The following CUBN variants were observed in gnomAD, a reference collection of about 807,000 sequenced individuals.
The protein encoded by CUBN is 460 kDa receptor.
Under a neutral mutation model 405.3 loss-of-function variants are expected in CUBN, and 282 were observed. The observed-to-expected ratio is 0.70, with a 90% confidence interval of 0.63 to 0.77. CUBN has a LOEUF of 0.77. CUBN is among the 30% of genes least tolerant of loss of function. The pLI, the probability that CUBN is intolerant of heterozygous loss-of-function variation, is 0.00. For synonymous variants in CUBN, 1,684 were observed against 1,617.0 expected (o/e 1.04, Z -0.99); for missense variants, 4,514 against 4,475.2 (o/e 1.01, Z -0.25).
At chr10:17,012,980 T>C (rs918524949) in intron 28 of CUBN, among the ~76,000 whole-genome samples, 2 of 152,198 alleles carry the variant, frequency 1.3e-5, no homozygotes, top group African/African-American at 4.8e-5. Flanking sequence ...GGATGTTTGA[T>C]AGGAATGCTA....
chr10:17,116,894 A>G (rs1005978999), intron 6 of CUBN, among the ~76,000 whole-genome samples: 2 of 152,172 alleles, frequency 1.3e-5, no homozygotes, highest in South Asian at 4.1e-4. Flanking sequence ...CTTAGCAAAT[A>G]AAAATACAGC....
intron 31 of CUBN, among the ~76,000 whole-genome samples, chr10:16,964,141 G>A (rs1024050128): frequency 7.2e-5 from 11 of 151,906 alleles, no homozygotes; most frequent in Non-Finnish European, 1.3e-4. Context: ...TTATATAGTC[G>A]GTATTTCTCT....
chr10:16,925,844 T>C, intron 41 of CUBN, 70 bp from the exon 42 acceptor site: 1 of 1,415,340 alleles, frequency 7.1e-7, no homozygotes, highest in Non-Finnish European at 1.0e-6. Context: ...CTTTCTTAGT[T>C]TTCTTGGGGG....
Position 16,851,823 on chromosome 10 carries a change from C to T in CUBN, c.9455-380G>A, listed in dbSNP as rs377201268. On this transcript the variant is annotated intron_variant, in intron 59 of 66. Coordinates refer to ENST00000377833, the MANE Select transcript of CUBN (RefSeq NM_001081.4). ...CTTTCCCTCCCTCCCTCTATATTTC[C>T]CTCCCTCACTCTGTCTTTCCCTCCC... Among the ~76,000 whole-genome samples the T allele has an allele frequency of 8.0e-5, 11 of 137,758 alleles. No individual in the cohort carries two copies. In the East Asian group the frequency reaches 2.4e-3, roughly 30 times the overall value. 90.4% of individuals were successfully genotyped at this position (137,758 alleles called of 152,430 possible). A position where few individuals can be genotyped will look rare whatever the true frequency, so the allele number is the denominator to read the frequency against.
At chr10:16,899,469 A>G (rs1841293560) in intron 53 of CUBN, among the ~76,000 whole-genome samples, 1 of 152,214 alleles carries the variant, frequency 6.6e-6, no homozygotes, top group African/African-American at 2.4e-5. Context: ...GTCTCCAAAC[A>G]AGAGCTGTAT....
At chr10:17,122,971 C>T (rs1024931012) in intron 5 of CUBN, 73 bp from the exon 6 acceptor site, 9 of 1,012,044 alleles carry the variant, frequency 8.9e-6, no homozygotes, top group Admixed American at 8.6e-5. Flanking sequence ...TCACATGATA[C>T]GTTTAAGGAT....
chr10:16,860,679 T>C (rs1475738162), intron 59 of CUBN, among the ~76,000 whole-genome samples: 2 of 152,232 alleles, frequency 1.3e-5, no homozygotes, highest in Non-Finnish European at 2.9e-5. Flanking sequence ...CACAAGACAT[T>C]GTCCAGAAAC....
intron 34 of CUBN, among the ~76,000 whole-genome samples, 183 bp downstream of exon 34, chr10:16,949,818 C>T (rs1383042896): frequency 6.6e-6 from 1 of 152,156 alleles, no homozygotes; most frequent in Non-Finnish European, 1.5e-5. Context: ...AATAAACAGG[C>T]TGAGTTCCCT....
intron 59 of CUBN, among the ~76,000 whole-genome samples, chr10:16,855,038 ATCTCTCTTCCCCTCCCCTCCCCTCC>A (rs1839831148): frequency 1.3e-5 from 1 of 79,314 alleles, no homozygotes; most frequent in African/African-American, 5.2e-5. Flanking sequence ...CTTTCTCTCT[ATCTCTCTTCCCCTCCCCTCCCCTCC>A]TCTCTCCTCC....
At chr10:16,951,259 G>T (rs559398707) in intron 33 of CUBN, among the ~76,000 whole-genome samples, 1 of 152,242 alleles carries the variant, frequency 6.6e-6, no homozygotes, top group African/African-American at 2.4e-5. Context: ...CGTTTGAATT[G>T]GCTAAGGATG....
At chr10:17,044,344 A>T in intron 25 of CUBN, among the ~76,000 whole-genome samples, 1 of 149,432 alleles carries the variant, frequency 6.7e-6, no homozygotes, top group East Asian at 1.9e-4. Flanking sequence ...ATGACATCAC[A>T]AAAGAATAGC....
At chr10:16,989,481 TTACA>T (rs1024243701) in intron 29 of CUBN, among the ~76,000 whole-genome samples, 7 of 148,168 alleles carry the variant, frequency 4.7e-5, no homozygotes, top group African/African-American at 1.5e-4. Context: ...TATAAGAATA[TTACA>T]TAAATAATGT....
At chr10:17,114,268 C>T (rs775061712) in intron 7 of CUBN, 79 bp from the exon 8 acceptor site, 6 of 1,416,630 alleles carry the variant, frequency 4.2e-6, no homozygotes, top group Non-Finnish European at 5.9e-6. Flanking sequence ...CATCAAGCCC[C>T]TAACTGTTTA....
intron 17 of CUBN, among the ~76,000 whole-genome samples, chr10:17,081,465 G>A (rs970853992): frequency 5.9e-5 from 9 of 152,156 alleles, no homozygotes; most frequent in Non-Finnish European, 7.4e-5. Context: ...CAAAGTATTT[G>A]AAATACCAAC....
chr10:16,845,825 G>C (rs1839492279), intron 60 of CUBN, among the ~76,000 whole-genome samples: 1 of 152,196 alleles, frequency 6.6e-6, no homozygotes, highest in Admixed American at 6.5e-5. Flanking sequence ...AGACTGAATG[G>C]TTAAGCCCGG....
At chr10:16,975,714 TC>T (rs1833073264) in intron 31 of CUBN, among the ~76,000 whole-genome samples, 1 of 137,938 alleles carries the variant, frequency 7.2e-6, no homozygotes, top group Non-Finnish European at 1.5e-5. Flanking sequence ...CACTGCAACC[TC>T]CACCTCCTGG....
intron 17 of CUBN, among the ~76,000 whole-genome samples, chr10:17,078,847 C>T (rs1002440200): frequency 4.6e-5 from 7 of 152,146 alleles, no homozygotes; most frequent in African/African-American, 1.7e-4. Flanking sequence ...CTCTATTTGA[C>T]CTAGGAATTT....
intron 53 of CUBN, among the ~76,000 whole-genome samples, chr10:16,900,418 C>T (rs1841322877): frequency 6.6e-6 from 1 of 152,234 alleles, no homozygotes; most frequent in Non-Finnish European, 1.5e-5. Flanking sequence ...GGCAAATGAT[C>T]AACCCATGCT....
At chr10:16,949,178 A>C (rs558461572) in intron 34 of CUBN, among the ~76,000 whole-genome samples, 148 of 152,340 alleles carry the variant, frequency 9.7e-4, no homozygotes, top group African/African-American at 2.8e-3. Flanking sequence ...AGGTATTGCT[A>C]TGTAACAGCT....
Sources: gnomAD v4.1 joint callset for allele counts (sites outside exome capture counted in the v4.1 genomes callset) on GRCh38, gnomAD v4.1.1 for gene constraint, MANE v1.5 for transcripts, NCBI Gene and HGNC (gene_info 2026-07-23, HGNC 2026-07-21) for gene names.